Variants in FMNL3 observed in about 807,000 individuals in gnomAD.
FMNL3 encodes the protein formin-like protein 3.
In FMNL3, 57 loss-of-function variants were observed where a neutral mutation model predicts 119.6. The observed-to-expected ratio is 0.48, with a 90% confidence interval of 0.39 to 0.59. The LOEUF (loss-of-function observed/expected upper bound fraction) is 0.59. Ranked by LOEUF, FMNL3 falls within the 20% of genes least tolerant of loss-of-function variation. The pLI, the probability that FMNL3 is intolerant of heterozygous loss-of-function variation, is 0.00. For synonymous variants in FMNL3, 491 were observed against 507.3 expected (o/e 0.97, Z 0.43); for missense variants, 1,053 against 1,323.5 (o/e 0.80, Z 3.17).
intron 17 of FMNL3, 137 bp downstream of exon 17, chr12:49,650,539 G>T: frequency 1.0e-6 from 1 of 976,398 alleles, no homozygotes; most frequent in Non-Finnish European, 1.5e-6. Context: ...GTAAATTCTA[G>T]CCAAGCCAGT....
rs546744095 is a variant in FMNL3 at position 49,704,635 on chromosome 12, C to T, written c.126+2420G>A. ...CTGAAGCAGGAGAACTGCTTGAACC[C>T]GGGAGGCTGAGTTTGCAGTGAGCTG... On this transcript the variant is annotated intron_variant, in intron 1 of 25. Transcript: ENST00000335154. Among the ~76,000 whole-genome samples, 4 of 143,694 alleles carry T rather than the reference C, an allele frequency of 2.8e-5. No individual in the cohort carries two copies. In the Admixed American group the frequency reaches 3.0e-4, roughly 11 times the overall value. The allele number at this position is 143,694 out of a possible 152,430, so 94.3% of individuals were successfully genotyped here. A position where few individuals can be genotyped will look rare whatever the true frequency, so the allele number is the denominator to read the frequency against.
At chr12:49,651,080 G>C (rs1943383621) in intron 16 of FMNL3, 88 bp downstream of exon 16, 3 of 1,572,194 alleles carry the variant, frequency 1.9e-6, no homozygotes, top group Non-Finnish European at 1.7e-6. Flanking sequence ...CACCCTGTCT[G>C]ATGGCTTTTC....
At position 49,647,463 on chromosome 12, in the gene FMNL3, C is replaced by T. The variant is rs924289856; in HGVS notation, c.2779-95G>A. 6 of 1,373,664 alleles carry T rather than the reference C, an allele frequency of 4.4e-6. No individual in the cohort carries two copies. The South Asian group carries it at 4.6e-5, about 11-fold the overall frequency. 85.1% of individuals were successfully genotyped at this position (1,373,664 alleles called of 1,614,324 possible). A position where few individuals can be genotyped will look rare whatever the true frequency, so the allele number is the denominator to read the frequency against. On this transcript the variant is annotated intron_variant, in intron 23 of 25. Coordinates refer to ENST00000335154, the MANE Select transcript of FMNL3 (RefSeq NM_175736.5). This position sits in a 1 kb window ranked among gnomAD's most constrained non-coding sequence, Gnocchi z 4.9. ...GGTGGAGAGTGGGTGGCAGTGGGAC[C>T]CGCTAACTCCAGGTGGCCACCCTCT...
chr12:49,663,064 A>G (rs935217530), intron 4 of FMNL3, among the ~76,000 whole-genome samples: 1 of 152,170 alleles, frequency 6.6e-6, no homozygotes, highest in African/African-American at 2.4e-5. Context: ...CTGGAGCTAC[A>G]ACACCAGGCC....
At chr12:49,696,579 T>C (rs1388479851) in intron 1 of FMNL3, among the ~76,000 whole-genome samples, 1 of 152,254 alleles carries the variant, frequency 6.6e-6, no homozygotes, top group Non-Finnish European at 1.5e-5. Flanking sequence ...AAATATTTTA[T>C]ATCTGAAGTT....
rs200979600 is a variant in FMNL3 at position 49,658,619 on chromosome 12, C to A, written c.453-25G>T. ...CCTGGAGCATGAAAGGACACACATGCGCATACACAGGCACATACACAGGAG... is the reference window on the plus strand; with the variant it reads ...CCTGGAGCATGAAAGGACACACATGAGCATACACAGGCACATACACAGGAG... On this transcript the variant is annotated intron_variant, in intron 5 of 25. Coordinates refer to ENST00000335154, the MANE Select transcript of FMNL3 (RefSeq NM_175736.5). 13 of 1,579,158 alleles carry A rather than the reference C, an allele frequency of 8.2e-6. No homozygotes were observed. The East Asian group carries it at 9.1e-5, about 11-fold the overall frequency.
At chr12:49,673,885 T>C (rs1944113786) in intron 1 of FMNL3, among the ~76,000 whole-genome samples, 1 of 152,154 alleles carries the variant, frequency 6.6e-6, no homozygotes, top group Non-Finnish European at 1.5e-5. Context: ...AAAACTGCAA[T>C]CCTTTGTAAA....
Position 49,656,396 on chromosome 12 carries a change from A to T in FMNL3, c.885+8T>A. The T allele has an allele frequency of 6.2e-7, 1 of 1,613,080 alleles. No homozygotes were observed. The highest frequency in any genetic ancestry group is 8.5e-7 in the Non-Finnish European group (1 of 1,179,324). On this transcript the variant is annotated splice_region_variant and intron_variant, in intron 9 of 25. Transcript: ENST00000335154. ...ACACACACACACACGCGAAGCGAAA[A>T]GACTGACCTCTTTGAAATTGTCAAA... is the stretch of plus-strand genomic sequence containing the variant.
In FMNL3 at chr12:49,639,807, G is replaced by T. The variant is rs1027517663; in HGVS notation, c.*6008C>A. On this transcript the variant is annotated 3_prime_UTR_variant, in exon 26 of 26. Transcript: ENST00000335154. ...CAGGGCAGTGGATGATGGCACTATT[G>T]ATAAGGATAAAACAAGAAGAGCAAG... 2 of 152,156 alleles carry T rather than the reference G, an allele frequency of 1.3e-5. No individual in the cohort carries two copies. The highest frequency in any genetic ancestry group is 4.8e-5 in the African/African-American group (2 of 41,422). The allele number at this position is 152,156 out of a possible 1,614,324, so 9.4% of individuals were successfully genotyped here. A position where few individuals can be genotyped will look rare whatever the true frequency, so the allele number is the denominator to read the frequency against.
Position 49,651,985 on chromosome 12 carries a change from A to G in FMNL3, c.1551T>C (p.Pro517=). 6.2e-7 allele frequency: 1 copy of G among 1,606,500 alleles called. No individual in the cohort carries two copies. The highest frequency in any genetic ancestry group is 8.5e-7 in the Non-Finnish European group (1 of 1,176,384). The part of the protein sequence containing the change: ...APAPPPEEVL[P]LPPPPAPPLP... ...AGGGCGGAGCTGGTGGTGGAGGAAG[A>G]GGCAGGACCTCCTCAGGGGGTGGGG... Residue 517 remains proline (P), a synonymous_variant, in exon 14 of 26, where the codon CCT becomes CCC. Coordinates refer to ENST00000335154, the MANE Select transcript of FMNL3 (RefSeq NM_175736.5).
In FMNL3 at chr12:49,642,748, T is replaced by C; in HGVS notation, c.*3067A>G. 2 of 1,520,710 alleles carry C rather than the reference T, an allele frequency of 1.3e-6. No individual in the cohort carries two copies. The highest frequency in any genetic ancestry group is 1.8e-6 in the Non-Finnish European group (2 of 1,114,198). The allele number at this position is 1,520,710 out of a possible 1,614,324, so 94.2% of individuals were successfully genotyped here. A position where few individuals can be genotyped will look rare whatever the true frequency, so the allele number is the denominator to read the frequency against. The stretch of plus-strand genomic sequence containing the variant: ...TAGACCAGTTCAACAGAGACCTCAG[T>C]GGCCTCCCTCTTACCCTTAGGGCAC... On this transcript the variant is annotated 3_prime_UTR_variant, in exon 26 of 26. Transcript: ENST00000335154. This position sits in a 1 kb window ranked among gnomAD's most constrained non-coding sequence, Gnocchi z 5.8.
At chr12:49,654,861 C>A in intron 10 of FMNL3, 49 bp downstream of exon 10, 1 of 1,571,042 alleles carries the variant, frequency 6.4e-7, no homozygotes, top group Non-Finnish European at 8.7e-7. Flanking sequence ...TCAAGGAACA[C>A]ACACACAGCC....
rs1034758420 is a variant in FMNL3 at position 49,693,653 on chromosome 12, T to G, written c.126+13402A>C. On this transcript the variant is annotated intron_variant, in intron 1 of 25. Transcript: ENST00000335154. The stretch of plus-strand genomic sequence containing the variant: ...CAATCTTGGTTTTTTTTTTTTTTTT[T>G]TTTTTTTTTTTTGAGACAGAGTTTC... Among the ~76,000 whole-genome samples the G allele has an allele frequency of 8.2e-5, 11 of 133,426 alleles. 2 individuals carry two copies. The highest frequency in any genetic ancestry group is 3.7e-4 in the Admixed American group (5 of 13,552). The allele number at this position is 133,426 out of a possible 152,430, so 87.5% of individuals were successfully genotyped here.
At chr12:49,679,678 C>T (rs1386472832) in intron 1 of FMNL3, among the ~76,000 whole-genome samples, 1 of 152,010 alleles carries the variant, frequency 6.6e-6, no homozygotes, top group Non-Finnish European at 1.5e-5. Flanking sequence ...AGGCACACAC[C>T]ATCATGCCTG....
intron 16 of FMNL3, 138 bp from the exon 17 acceptor site, chr12:49,651,016 C>T: frequency 6.9e-7 from 1 of 1,459,646 alleles, no homozygotes; most frequent in Admixed American, 1.8e-5. Flanking sequence ...GTTGACACAA[C>T]TAGAAATATA....
At chr12:49,663,147 T>C (rs1047476039) in intron 4 of FMNL3, among the ~76,000 whole-genome samples, 2 of 152,202 alleles carry the variant, frequency 1.3e-5, no homozygotes, top group Non-Finnish European at 2.9e-5. Context: ...GCTTCCTCTC[T>C]GGGGGCCAAC....
chr12:49,642,771 C>A lies in FMNL3; in HGVS notation c.*3044G>T. ...AGTGGCCTCCCTCTTACCCTTAGGG[C>A]ACTCCTGGCCAGCTAAGGAAGGGGA... On this transcript the variant is annotated 3_prime_UTR_variant, in exon 26 of 26. Coordinates refer to ENST00000335154, the MANE Select transcript of FMNL3 (RefSeq NM_175736.5). The surrounding 1 kb of genome is among the most constrained non-coding windows in gnomAD (Gnocchi z 5.8). 3 of 1,440,258 alleles carry A rather than the reference C, an allele frequency of 2.1e-6. No homozygotes were observed. In the South Asian group the frequency reaches 3.7e-5, roughly 18 times the overall value. 89.2% of individuals were successfully genotyped at this position (1,440,258 alleles called of 1,614,324 possible). A position where few individuals can be genotyped will look rare whatever the true frequency, so the allele number is the denominator to read the frequency against.
chr12:49,679,411 CA>C (rs1475756110), intron 1 of FMNL3, among the ~76,000 whole-genome samples: 2 of 152,088 alleles, frequency 1.3e-5, no homozygotes, highest in Non-Finnish European at 2.9e-5. Flanking sequence ...GAACCTCTCC[CA>C]AACAACCCAG....
At chr12:49,691,999 C>A (rs796388929) in intron 1 of FMNL3, among the ~76,000 whole-genome samples, 1 of 139,848 alleles carries the variant, frequency 7.2e-6, no homozygotes, top group Non-Finnish European at 1.5e-5. Flanking sequence ...CACGCCACTG[C>A]ACTCCAGCCT....
Sources: gnomAD v4.1 joint callset for allele counts (sites outside exome capture counted in the v4.1 genomes callset) on GRCh38, gnomAD v4.1.1 for gene constraint, Gnocchi (gnomAD v3.1) non-coding constraint, MANE v1.5 for transcripts, NCBI Gene and HGNC (gene_info 2026-07-23, HGNC 2026-07-21) for gene names.